ME2: variants seen among roughly 807,000 people sequenced by gnomAD.
ME2 encodes malic enzyme 2.
ME2 carries 60 observed loss-of-function variants against 73.7 expected under a neutral mutation model. The observed-to-expected ratio is 0.81, with a 90% CI of 0.66 to 1.01. ME2 has a LOEUF of 1.01. Among genes scored for constraint, ME2 ranks in the 50% least tolerant of loss-of-function variants. The probability of loss-of-function intolerance (pLI) is 0.00; values close to 1 mark genes in which losing one functional copy is unlikely to be tolerated. For missense variants in ME2, 594 were observed against 705.5 expected (o/e 0.84, Z 1.79); for synonymous variants, 199 against 236.9 (o/e 0.84, Z 1.47).
rs1918125194 is a variant in ME2 at position 50,947,894 on chromosome 18, C to G, written c.*710C>G. On this transcript the variant is annotated 3_prime_UTR_variant, in exon 16 of 16. Coordinates refer to ENST00000321341, the MANE Select transcript of ME2 (RefSeq NM_002396.5). ...TTAATAAATATCTTACATTTAATTG[C>G]TTCAGTTATGCTATCTTATTGCCCA... 6.6e-6 allele frequency: 1 copy of G among 152,082 alleles called. No individual in the cohort carries two copies. The highest frequency in any genetic ancestry group is 1.5e-5 in the Non-Finnish European group (1 of 67,992). 9.4% of individuals were successfully genotyped at this position (152,082 alleles called of 1,614,324 possible).
At chr18:50,933,612 G>GA (rs1294931264) in intron 13 of ME2, 2 of 152,042 alleles carry the variant, frequency 1.3e-5, no homozygotes, top group African/African-American at 4.8e-5. Context: ...TAAAAGACAT[G>GA]AGGGCAGGAA....
At chr18:50,894,578 A>G (rs1181977636) in intron 1 of ME2, among the ~76,000 whole-genome samples, 3 of 108,700 alleles carry the variant, frequency 2.8e-5, no homozygotes, top group South Asian at 6.0e-4. Flanking sequence ...AAAAAAAAAA[A>G]TCCCTATTTT....
intron 1 of ME2, among the ~76,000 whole-genome samples, chr18:50,893,175 CTTA>C (rs895429611): frequency 1.1e-4 from 15 of 137,236 alleles, no homozygotes; most frequent in African/African-American, 4.1e-4. Context: ...TGCTTCAATA[CTTA>C]TTATAAAATA....
At chr18:50,913,929 C>T (rs1217480403) in intron 4 of ME2, among the ~76,000 whole-genome samples, 1 of 151,110 alleles carries the variant, frequency 6.6e-6, no homozygotes, top group African/African-American at 2.4e-5. Context: ...TCTTATTCCT[C>T]TAATCCATTA....
In ME2 at chr18:50,950,932, A is replaced by T; in HGVS notation, c.*3748A>T. The T allele has an allele frequency of 6.6e-6, 1 of 152,226 alleles. No homozygotes were observed. Among genetic ancestry groups the T allele is most frequent in the East Asian group, 1.9e-4 (1 of 5,196 alleles). The allele number at this position is 152,226 out of a possible 1,614,324, so 9.4% of individuals were successfully genotyped here. On this transcript the variant is annotated 3_prime_UTR_variant, in exon 16 of 16. Coordinates refer to ENST00000321341, the MANE Select transcript of ME2 (RefSeq NM_002396.5). The stretch of plus-strand genomic sequence containing the variant: ...TGTGTCATATACTTCAAGTTACATG[A>T]AAAAGATCAACTGAAATTATGTTCT...
At chr18:50,900,326 G>T (rs868188799) in intron 2 of ME2, among the ~76,000 whole-genome samples, 2 of 149,952 alleles carry the variant, frequency 1.3e-5, no homozygotes, top group African/African-American at 4.9e-5. Context: ...ATGGAGTCTC[G>T]CTCTGTTGCC....
chr18:50,891,321 C>A (rs573122888), intron 1 of ME2, among the ~76,000 whole-genome samples: 50 of 152,300 alleles, frequency 3.3e-4, no homozygotes, highest in African/African-American at 1.2e-3. Flanking sequence ...AACTACCAGA[C>A]TACAAGGTGG....
rs1247935011 is a variant in ME2, at chr18:50,951,836, C to T, written c.*4652C>T. 1 of 131,962 alleles carries T rather than the reference C, an allele frequency of 7.6e-6. No homozygotes were observed. The highest frequency in any genetic ancestry group is 2.2e-4 in the East Asian group (1 of 4,464). 8.2% of individuals were successfully genotyped at this position (131,962 alleles called of 1,614,324 possible). On this transcript the variant is annotated 3_prime_UTR_variant, in exon 16 of 16. Coordinates refer to ENST00000321341, the MANE Select transcript of ME2 (RefSeq NM_002396.5). ...GAGCTGAGATCGCACCGCTGCACTCCAGCCTGGGCGACAGAGTGAGCCTCC... is the reference window on the plus strand; with the variant it reads ...GAGCTGAGATCGCACCGCTGCACTCTAGCCTGGGCGACAGAGTGAGCCTCC...
intron 12 of ME2, 138 bp from the exon 13 acceptor site, chr18:50,932,119 TG>T (rs1272626486): frequency 1.8e-6 from 1 of 549,468 alleles, no homozygotes; most frequent in African/African-American, 1.9e-5. Flanking sequence ...ACGAAAAGAT[TG>T]TTATATAGTA....
chr18:50,882,581 T>C (rs1268716126), intron 1 of ME2, among the ~76,000 whole-genome samples: 1 of 152,184 alleles, frequency 6.6e-6, no homozygotes. Flanking sequence ...AACTGTTATG[T>C]GTGGGGGACA....
intron 3 of ME2, among the ~76,000 whole-genome samples, chr18:50,912,235 A>C (rs1568165936): frequency 6.6e-6 from 1 of 152,208 alleles, no homozygotes. Flanking sequence ...TCTAAATTTA[A>C]AAACAAGTTA....
intron 1 of ME2, among the ~76,000 whole-genome samples, chr18:50,887,860 A>G (rs775963821): frequency 1.3e-5 from 2 of 152,232 alleles, no homozygotes; most frequent in African/African-American, 4.8e-5. Flanking sequence ...CACTAAAGAC[A>G]TTAGAAAAGA....
intron 1 of ME2, among the ~76,000 whole-genome samples, chr18:50,881,464 T>C (rs1184991076): frequency 6.6e-6 from 1 of 152,246 alleles, no homozygotes; most frequent in East Asian, 1.9e-4. Flanking sequence ...TTATTAGAAA[T>C]TAACTATTTT....
In ME2 at chr18:50,934,786, C is replaced by A. The variant is rs190728830; in HGVS notation, c.1417+2426C>A. ...TGACCTAGTTGAGCAACTATAACAACCGGATGAAAATTTTTTTTAAGACTT... is the reference window on the plus strand; with the variant it reads ...TGACCTAGTTGAGCAACTATAACAAACGGATGAAAATTTTTTTTAAGACTT... On this transcript the variant is annotated intron_variant, in intron 13 of 15. Transcript: ENST00000321341. The A allele has an allele frequency of 4.4e-4, 67 of 151,836 alleles. 1 individual carries two copies. Among genetic ancestry groups the A allele is most frequent in the Admixed American group, 4.4e-3 (67 of 15,248 alleles). The allele number at this position is 151,836 out of a possible 1,614,324, so 9.4% of individuals were successfully genotyped here.
chr18:50,903,536 G>A (rs1427791173), intron 2 of ME2, among the ~76,000 whole-genome samples: 1 of 151,828 alleles, frequency 6.6e-6, no homozygotes. Context: ...CTGCAGCCTC[G>A]ACCTTCCAGG....
At position 50,897,814 on chromosome 18, in the gene ME2, G is replaced by A. The variant is rs10469008; in HGVS notation, c.108+1886G>A. Among the ~76,000 whole-genome samples the A allele has an allele frequency of 3.6e-3, 548 of 151,960 alleles. 4 individuals are homozygous for A. Among genetic ancestry groups the A allele is most frequent in the African/African-American group, 0.01 (431 of 41,420 alleles). On this transcript the variant is annotated intron_variant, in intron 2 of 15. Transcript: ENST00000321341. ...GTGGAGAGTGCGGTGAGCCGAGATC[G>A]TGCCATTGCATGCCATCCTGGGCAA...
At chr18:50,882,605 G>A (rs1189216269) in intron 1 of ME2, among the ~76,000 whole-genome samples, 2 of 152,126 alleles carry the variant, frequency 1.3e-5, no homozygotes, top group African/African-American at 4.8e-5. Flanking sequence ...GGGACCAGAC[G>A]TAAGATCTCC....
In ME2 at chr18:50,917,490, T is replaced by C. The variant is rs1917312491; in HGVS notation, c.612T>C (p.Asp204=). 6.2e-7 allele frequency: 1 copy of C among 1,605,152 alleles called. No individual in the cohort carries two copies. ...ATAGATGCCTGCCAGTGTGTATTGA[T>C]GTGGGAACTGATAATATCGTGAGTA... The part of the protein sequence containing the change: ...RPDRCLPVCI[D]VGTDNIALLK... The change falls in exon 6 of 16, where the codon GAT becomes GAC. Residue 204 remains aspartate (D), a synonymous_variant. Transcript: ENST00000321341.
At chr18:50,888,930 A>G (rs1281539287) in intron 1 of ME2, among the ~76,000 whole-genome samples, 1 of 152,182 alleles carries the variant, frequency 6.6e-6, no homozygotes, top group Non-Finnish European at 1.5e-5. Flanking sequence ...TACGTGTGAT[A>G]ATTTAATATA....
Sources: allele counts gnomAD v4.1 joint callset (sites outside exome capture counted in the v4.1 genomes callset), GRCh38; gene constraint gnomAD v4.1.1; transcripts MANE v1.5; gene names NCBI Gene and HGNC (gene_info 2026-07-23, HGNC 2026-07-21).